TENM2: variants seen among roughly 807,000 people sequenced by gnomAD.
The protein encoded by TENM2 is teneurin transmembrane protein 2.
A neutral mutation model predicts 245.2 loss-of-function variants in TENM2; 52 were observed. The observed-to-expected ratio is 0.21, with a 90% CI of 0.17 to 0.27. The LOEUF is 0.27. Among genes scored for constraint, TENM2 ranks in the 10% least tolerant of loss-of-function variants. The probability of loss-of-function intolerance (pLI) is 1.00; values close to 1 mark genes in which losing one functional copy is unlikely to be tolerated. For missense variants in TENM2, 3,046 were observed against 3,666.8 expected (o/e 0.83, Z 4.37); for synonymous variants, 1,363 against 1,438.9 (o/e 0.95, Z 1.19).
chr5:167,467,398 C>G (rs1359142412), intron 2 of TENM2, among the ~76,000 whole-genome samples: 2 of 151,898 alleles, frequency 1.3e-5, no homozygotes, highest in African/African-American at 4.8e-5. Flanking sequence ...TATAAATTAC[C>G]CAGTCTCAGG....
chr5:168,212,877 T>C (rs1762895015), intron 20 of TENM2, among the ~76,000 whole-genome samples: 1 of 152,180 alleles, frequency 6.6e-6, no homozygotes, highest in African/African-American at 2.4e-5. Flanking sequence ...TATGAGACCA[T>C]GGAGAAGAAT....
chr5:167,944,824 G>A (rs755557729), intron 3 of TENM2, among the ~76,000 whole-genome samples: 1 of 152,186 alleles, frequency 6.6e-6, no homozygotes, highest in Admixed American at 6.5e-5. Flanking sequence ...AAGCTGAATT[G>A]TATGATATCT....
the TENM2 span, among the ~76,000 whole-genome samples, chr5:167,118,597 A>C: frequency 6.6e-6 from 1 of 152,244 alleles, no homozygotes; most frequent in Admixed American, 6.5e-5. Context: ...TGATCAAAGA[A>C]AACTTATTTT....
intron 6 of TENM2, among the ~76,000 whole-genome samples, chr5:168,055,948 G>T (rs891528133): frequency 1.3e-5 from 2 of 152,180 alleles, no homozygotes; most frequent in Non-Finnish European, 2.9e-5. Flanking sequence ...AGGATATTCA[G>T]CTAGACCTTA....
intron 2 of TENM2, among the ~76,000 whole-genome samples, chr5:167,501,799 C>T (rs1465649606): frequency 6.6e-6 from 1 of 152,000 alleles, no homozygotes; most frequent in Admixed American, 6.6e-5. Flanking sequence ...TTTTTGGTGG[C>T]AGTCTTAGAA....
intron 4 of TENM2, among the ~76,000 whole-genome samples, chr5:167,985,569 G>A (rs1783181770): frequency 6.6e-6 from 1 of 152,206 alleles, no homozygotes; most frequent in South Asian, 2.1e-4. Flanking sequence ...GGTACACTGT[G>A]ATGAGATTGT....
At chr5:167,368,321 G>T (rs1351969718) in intron 1 of TENM2, among the ~76,000 whole-genome samples, 4 of 151,938 alleles carry the variant, frequency 2.6e-5, no homozygotes, top group African/African-American at 9.7e-5. Context: ...ATAACAGTTT[G>T]GGGGTGGGGC....
At position 168,034,297 on chromosome 5, in the gene TENM2, C is replaced by T. The variant is rs377689750; in HGVS notation, c.1187-13130C>T. 1.4e-4 allele frequency among the ~76,000 whole-genome samples: 21 copies of T among 146,832 alleles called. No individual in the cohort carries two copies. In the East Asian group the frequency reaches 2.2e-3, roughly 15 times the overall value. ...GGGAGGGTGCAGTGAGCCAAGATGGCGCCACTCCACTCCAGCCTGGGTGAA... is the reference window on the plus strand; with the variant it reads ...GGGAGGGTGCAGTGAGCCAAGATGGTGCCACTCCACTCCAGCCTGGGTGAA... On this transcript the variant is annotated intron_variant, in intron 5 of 28. Transcript: ENST00000518659.
chr5:167,750,302 G>C (rs1267633440), intron 2 of TENM2, among the ~76,000 whole-genome samples: 1 of 152,140 alleles, frequency 6.6e-6, no homozygotes, highest in African/African-American at 2.4e-5. Flanking sequence ...GTTACAGAGA[G>C]AGCAGCAGGT....
intron 2 of TENM2, among the ~76,000 whole-genome samples, chr5:167,573,758 C>T (rs1169553850): frequency 6.6e-6 from 1 of 152,034 alleles, no homozygotes; most frequent in African/African-American, 2.4e-5. Context: ...CCTTTTCTGC[C>T]TTTTCACTCT....
the TENM2 span, among the ~76,000 whole-genome samples, chr5:167,209,268 A>ATT: frequency 6.8e-6 from 1 of 146,582 alleles, no homozygotes; most frequent in Admixed American, 6.8e-5. Flanking sequence ...ATTTTTAGTA[A>ATT]TTTTTTTTTT....
intron 2 of TENM2, among the ~76,000 whole-genome samples, chr5:167,754,335 C>G (rs1427054149): frequency 1.3e-5 from 2 of 152,074 alleles, no homozygotes; most frequent in African/African-American, 2.4e-5. Flanking sequence ...AGGTAACCGA[C>G]CAGGAAGGAG....
intron 1 of TENM2, among the ~76,000 whole-genome samples, chr5:167,321,904 C>T (rs1756771255): frequency 6.8e-6 from 1 of 147,838 alleles, no homozygotes; most frequent in South Asian, 2.2e-4. Context: ...TCTCGGCTCA[C>T]TGCAACCTCT....
At chr5:167,451,974 G>A (rs1006159232) in intron 2 of TENM2, among the ~76,000 whole-genome samples, 2 of 152,186 alleles carry the variant, frequency 1.3e-5, no homozygotes, top group African/African-American at 2.4e-5. Flanking sequence ...AAAAGGTGGT[G>A]GTGAGTGAAA....
chr5:167,196,532 GTGTACATATATGTGTGTA>G, the TENM2 span, among the ~76,000 whole-genome samples: 21 of 140,998 alleles, frequency 1.5e-4, no homozygotes, highest in African/African-American at 6.2e-4. Flanking sequence ...ATATATGTGT[GTGTACATATATGTGTGTA>G]TATATATATG....
At chr5:167,745,530 A>G (rs1318467980) in intron 2 of TENM2, among the ~76,000 whole-genome samples, 2 of 152,238 alleles carry the variant, frequency 1.3e-5, no homozygotes, top group Non-Finnish European at 2.9e-5. Flanking sequence ...TATAATTCAC[A>G]TACCATAAAA....
At chr5:168,060,166 T>G (rs1789909537) in intron 6 of TENM2, among the ~76,000 whole-genome samples, 1 of 149,682 alleles carries the variant, frequency 6.7e-6, no homozygotes, top group Non-Finnish European at 1.5e-5. Context: ...AGCTGGAGAA[T>G]CACTTGAGAA....
chr5:167,365,507 C>G (rs1309152696), intron 1 of TENM2, among the ~76,000 whole-genome samples: 3 of 151,126 alleles, frequency 2.0e-5, no homozygotes. Context: ...AATAAAACTC[C>G]AGTAAGAATG....
intron 2 of TENM2, among the ~76,000 whole-genome samples, chr5:167,871,632 A>G (rs1051175686): frequency 6.6e-6 from 1 of 152,202 alleles, no homozygotes; most frequent in African/African-American, 2.4e-5. Context: ...AAAAAGACAT[A>G]TTGCTGCCTT....
Sources: gnomAD v4.1 joint callset for allele counts (sites outside exome capture counted in the v4.1 genomes callset) on GRCh38, gnomAD v4.1.1 for gene constraint, MANE v1.5 for transcripts, NCBI Gene and HGNC (gene_info 2026-07-23, HGNC 2026-07-21) for gene names.